Variants in PLEKHG1 observed in about 807,000 individuals in gnomAD.
The protein encoded by PLEKHG1 is pleckstrin homology and RhoGEF domain containing G1.
In PLEKHG1, 44 loss-of-function variants were observed where a neutral mutation model predicts 100.8. The ratio of observed to expected loss-of-function variants is 0.44; its 90% confidence interval spans 0.34 to 0.56. The LOEUF (loss-of-function observed/expected upper bound fraction) is 0.56. Ranked by LOEUF, PLEKHG1 falls within the 20% of genes least tolerant of loss-of-function variation. The probability of loss-of-function intolerance (pLI) is 0.01; values close to 1 mark genes in which losing one functional copy is unlikely to be tolerated. For missense variants in PLEKHG1, 1,545 were observed against 1,720.9 expected, an observed-to-expected ratio of 0.90 and a Z score of 1.81; for synonymous variants, 640 against 662.5, an observed-to-expected ratio of 0.97 and a Z score of 0.52.
chr6:150,607,512 G>A (rs17079957), intron 1 of PLEKHG1, among the ~76,000 whole-genome samples: 7,974 of 152,192 alleles, frequency 0.052, 302 homozygotes, highest in East Asian at 0.16. Flanking sequence ...TGCATCAAAG[G>A]GGAGGATATG....
chr6:150,677,740 G>A (rs1440464177), intron 3 of PLEKHG1, among the ~76,000 whole-genome samples: 3 of 152,058 alleles, frequency 2.0e-5, no homozygotes, highest in East Asian at 3.9e-4. Context: ...AGCTGGACAC[G>A]GTGGTGCACA....
chr6:150,635,024 C>T (rs73606255), intron 1 of PLEKHG1, among the ~76,000 whole-genome samples: 3,021 of 152,216 alleles, frequency 0.02, 89 homozygotes, highest in African/African-American at 0.062. Context: ...AGTTCTCAAA[C>T]CTGTTTAATT....
intron 3 of PLEKHG1, chr6:150,662,571 C>T (rs560836407): frequency 1.3e-5 from 2 of 152,122 alleles, no homozygotes; most frequent in South Asian, 2.1e-4. Context: ...GTGCGCCACC[C>T]CACCTGGCTA....
At chr6:150,749,912 A>G (rs569431428) in intron 2 of PLEKHG1, among the ~76,000 whole-genome samples, 1 of 152,158 alleles carries the variant, frequency 6.6e-6, no homozygotes, top group East Asian at 1.9e-4. Context: ...TCTCTACTAA[A>G]AAGACAAAAA....
intron 4 of PLEKHG1, among the ~76,000 whole-genome samples, chr6:150,791,071 T>A (rs1785947956): frequency 6.6e-6 from 1 of 152,086 alleles, no homozygotes; most frequent in Admixed American, 6.5e-5. Flanking sequence ...AGGGAGTGGA[T>A]AAAAGTGTGT....
intron 3 of PLEKHG1, among the ~76,000 whole-genome samples, chr6:150,698,363 C>T (rs1468759022): frequency 2.6e-5 from 4 of 152,102 alleles, no homozygotes; most frequent in East Asian, 3.8e-4. Context: ...GACGCTCAAG[C>T]GGTACCTCAG....
At chr6:150,629,820 G>A (rs1199907566) in intron 1 of PLEKHG1, among the ~76,000 whole-genome samples, 2 of 152,164 alleles carry the variant, frequency 1.3e-5, no homozygotes, top group South Asian at 4.2e-4. Flanking sequence ...TTCCTTTGAT[G>A]ACAAGAAATC....
chr6:150,752,820 C>T (rs1246457500), intron 2 of PLEKHG1, among the ~76,000 whole-genome samples: 1 of 152,088 alleles, frequency 6.6e-6, no homozygotes, highest in African/African-American at 2.4e-5. Flanking sequence ...TGTTAAGATT[C>T]TTTATTTTAG....
chr6:150,812,626 C>G (rs1389614941), intron 10 of PLEKHG1, among the ~76,000 whole-genome samples: 1 of 152,000 alleles, frequency 6.6e-6, no homozygotes, highest in African/African-American at 2.4e-5. Context: ...ATGTAAAGTT[C>G]ACAAAAGGAA....
chr6:150,839,970 C>T, exon 16 of PLEKHG1: 1 of 1,613,898 alleles, frequency 6.2e-7, no homozygotes, highest in Non-Finnish European at 8.5e-7. Context: ...CCAGGTCCAC[C>T]ATGGTAGTGG....
upstream of PLEKHG1, among the ~76,000 whole-genome samples, chr6:150,718,462 C>T (rs1268338448): frequency 2.0e-5 from 3 of 147,890 alleles, no homozygotes; most frequent in Non-Finnish European, 4.5e-5. Flanking sequence ...GGTGTTTCTT[C>T]CCTTTACTTT....
At chr6:150,645,436 A>G (rs975955151) in intron 2 of PLEKHG1, among the ~76,000 whole-genome samples, 4 of 152,230 alleles carry the variant, frequency 2.6e-5, no homozygotes, top group African/African-American at 9.6e-5. Context: ...TCTTTAAACC[A>G]TAGACATATG....
At chr6:150,702,557 G>GGTGTGTGTGTGTGT (rs56768740) in intron 3 of PLEKHG1, among the ~76,000 whole-genome samples, 3,604 of 142,852 alleles carry the variant, frequency 0.025, 165 homozygotes, top group African/African-American at 0.084. Flanking sequence ...TTTGTTTTGG[G>GGTGTGTGTGTGTGT]GTGTGTGTGT....
chr6:150,754,669 CTT>C (rs1203495060), intron 2 of PLEKHG1, among the ~76,000 whole-genome samples: 22 of 134,814 alleles, frequency 1.6e-4, no homozygotes, highest in Admixed American at 1.5e-4. Flanking sequence ...GACTTTCTTT[CTT>C]TTTTTTTTTT....
chr6:150,620,636 A>G (rs1484081459), intron 1 of PLEKHG1, among the ~76,000 whole-genome samples: 1 of 152,152 alleles, frequency 6.6e-6, no homozygotes, highest in Admixed American at 6.6e-5. Context: ...ACCTATTTTC[A>G]AAAATTGGTC....
chr6:150,797,696 G>A (rs1266649267), intron 5 of PLEKHG1, among the ~76,000 whole-genome samples: 2 of 151,480 alleles, frequency 1.3e-5, no homozygotes, highest in Admixed American at 6.6e-5. Flanking sequence ...TTAGTCAGAC[G>A]TGGTGGCACA....
At chr6:150,837,692 A>T (rs1345299511) in intron 15 of PLEKHG1, among the ~76,000 whole-genome samples, 1 of 152,270 alleles carries the variant, frequency 6.6e-6, no homozygotes, top group Non-Finnish European at 1.5e-5. Context: ...AGGTCTGCTA[A>T]CTAATGACTA....
chr6:150,671,174 T>C (rs1048995407), intron 3 of PLEKHG1, among the ~76,000 whole-genome samples: 7 of 152,002 alleles, frequency 4.6e-5, no homozygotes, highest in Non-Finnish European at 1.0e-4. Context: ...GGTTCCGCAG[T>C]TGTGAATTGT....
intron 6 of PLEKHG1, among the ~76,000 whole-genome samples, chr6:150,802,701 G>C (rs1786784249): frequency 7.5e-6 from 1 of 133,224 alleles, no homozygotes; most frequent in Non-Finnish European, 1.6e-5. Context: ...TCACTCTGTT[G>C]CCAGGCTGGA....
Sources: gnomAD v4.1 joint callset for allele counts (sites outside exome capture counted in the v4.1 genomes callset) on GRCh38, gnomAD v4.1.1 for gene constraint, MANE v1.5 for transcripts, NCBI Gene and HGNC (gene_info 2026-07-23, HGNC 2026-07-21) for gene names.